ZHX3: variants seen among roughly 807,000 people sequenced by gnomAD.
ZHX3 encodes zinc fingers and homeoboxes protein 3.
ZHX3 carries 20 observed loss-of-function variants against 64.5 expected under a neutral mutation model. The ratio of observed to expected loss-of-function variants is 0.31; its 90% CI spans 0.22 to 0.45. ZHX3 has a LOEUF of 0.45. Ranked by LOEUF, ZHX3 falls within the 20% of genes least tolerant of loss-of-function variation. The pLI, the probability that ZHX3 is intolerant of heterozygous loss-of-function variation, is 1.00. For missense variants in ZHX3, 1,041 were observed against 1,195.8 expected (o/e 0.87, Z 1.91); for synonymous variants, 423 against 461.6 (o/e 0.92, Z 1.07).
At chr20:41,255,946 A>G (rs1457672753) in intron 2 of ZHX3, among the ~76,000 whole-genome samples, 2 of 152,216 alleles carry the variant, frequency 1.3e-5, no homozygotes, top group African/African-American at 2.4e-5. Flanking sequence ...TGTTTTCAAC[A>G]TCACAGCCTG....
At chr20:41,283,138 A>C (rs2043774821) in intron 1 of ZHX3, among the ~76,000 whole-genome samples, 1 of 152,104 alleles carries the variant, frequency 6.6e-6, no homozygotes, top group South Asian at 2.1e-4. Context: ...TGAACTCCTG[A>C]GCTCAGGTGA....
In ZHX3 at chr20:41,204,983, C is replaced by T. The variant is rs114252092; in HGVS notation, c.-67G>A. On this transcript the variant is annotated 5_prime_UTR_variant, in exon 3 of 4. Transcript: ENST00000683867. The surrounding 1 kb of genome is among the most constrained non-coding windows in gnomAD (Gnocchi z 6.6). ...ATAAGGGGCCTAACAATACAAGTTC[C>T]AGCTTCTCGATGAGGGCCAAAGAAA... 1.7e-4 allele frequency: 246 copies of T among 1,453,984 alleles called. No individual in the cohort carries two copies. The African/African-American group carries it at 3.2e-3, about 19-fold the overall frequency. The allele number at this position is 1,453,984 out of a possible 1,614,324, so 90.1% of individuals were successfully genotyped here. A position where few individuals can be genotyped will look rare whatever the true frequency, so the allele number is the denominator to read the frequency against.
intron 1 of ZHX3, among the ~76,000 whole-genome samples, chr20:41,274,241 T>C (rs547579164): frequency 1.3e-5 from 2 of 152,368 alleles, no homozygotes; most frequent in South Asian, 4.1e-4. Context: ...TTAAGTTTCA[T>C]TATCTTCAGT....
At chr20:41,259,768 ACT>A (rs1437433551) in intron 2 of ZHX3, among the ~76,000 whole-genome samples, 1 of 151,994 alleles carries the variant, frequency 6.6e-6, no homozygotes, top group Non-Finnish European at 1.5e-5. Context: ...AACATCAATG[ACT>A]CTGGGAGAAT....
At chr20:41,234,348 G>C (rs756692680) in intron 2 of ZHX3, among the ~76,000 whole-genome samples, 1 of 152,214 alleles carries the variant, frequency 6.6e-6, no homozygotes. Flanking sequence ...GGGTTTGAAA[G>C]GGCAGAACCT....
chr20:41,279,563 T>C (rs1369445183), intron 1 of ZHX3, among the ~76,000 whole-genome samples: 1 of 152,184 alleles, frequency 6.6e-6, no homozygotes, highest in Non-Finnish European at 1.5e-5. Flanking sequence ...TTGTTCATCA[T>C]AAATAATGAT....
chr20:41,256,599 C>G (rs886327748), intron 2 of ZHX3, among the ~76,000 whole-genome samples: 3 of 150,212 alleles, frequency 2.0e-5, no homozygotes, highest in African/African-American at 7.4e-5. Flanking sequence ...GCATAAGGAA[C>G]AAATTTAGAG....
intron 1 of ZHX3, among the ~76,000 whole-genome samples, chr20:41,310,834 G>T (rs2045112919): frequency 8.8e-6 from 1 of 113,094 alleles, no homozygotes; most frequent in African/African-American, 3.4e-5. Context: ...TTTTGAGACA[G>T]AGTCTTGCTC....
In ZHX3 at chr20:41,257,976, T is replaced by A. The variant is rs1721240222; in HGVS notation, c.-151+11014A>T. Among the ~76,000 whole-genome samples the A allele has an allele frequency of 1.4e-5, 2 of 147,202 alleles. 1 individual carries two copies. Among genetic ancestry groups the A allele is most frequent in the South Asian group, 4.3e-4 (2 of 4,696 alleles). On this transcript the variant is annotated intron_variant, in intron 2 of 3. Coordinates refer to ENST00000683867, the MANE Select transcript of ZHX3 (RefSeq NM_001384317.1). ...GCTGGGGTACAGTGGCACAGCTCAC[T>A]GCAACCTCCACCTCCCAGGTTCAAG...
chr20:41,203,570 G>A lies in ZHX3; in HGVS notation c.1347C>T (p.Ser449=), dbSNP rs141578613. Residue 449 remains serine (S), a synonymous_variant, in exon 3 of 4, where the codon TCC becomes TCT. Coordinates refer to ENST00000683867, the MANE Select transcript of ZHX3 (RefSeq NM_001384317.1). This position sits in a 1 kb window ranked among gnomAD's most constrained non-coding sequence, Gnocchi z 7.1. ...GTGCCACACCTGGCTGCTTGGGGACGGATGTCACCGTGAGGGGGAGAGGGG... is the reference window on the plus strand; with the variant it reads ...GTGCCACACCTGGCTGCTTGGGGACAGATGTCACCGTGAGGGGGAGAGGGG... ...TSSPLPLTVT[S]VPKQPGVAPI... 9.2e-5 allele frequency: 148 copies of A among 1,614,076 alleles called. No homozygotes were observed. In the East Asian group the frequency reaches 1.2e-3, roughly 14 times the overall value.
intron 1 of ZHX3, among the ~76,000 whole-genome samples, chr20:41,288,562 C>T (rs967839296): frequency 2.0e-5 from 3 of 152,188 alleles, no homozygotes; most frequent in African/African-American, 7.2e-5. Context: ...AAGGGCAACA[C>T]ACTGGTGGTG....
rs955020647 is a variant in ZHX3 at position 41,203,655 on chromosome 20, G to A, written c.1262C>T (p.Thr421Ile). The A allele has an allele frequency of 1.9e-6, 3 of 1,614,086 alleles. No homozygotes were observed. Among genetic ancestry groups the A allele is most frequent in the African/African-American group, 1.3e-5 (1 of 74,922 alleles). Residue 421 changes from threonine to isoleucine, a missense_variant, in exon 3 of 4, where the codon ACA (threonine) becomes ATA (isoleucine). By Grantham distance (89) the Thr-to-Ile change is moderately conservative. Around this residue, in one of 4 missense-constraint regions of ZHX3, gnomAD observed 649 missense variants for 739.8 expected, o/e 0.88. Transcript: ENST00000683867. This position sits in a 1 kb window ranked among gnomAD's most constrained non-coding sequence, Gnocchi z 7.1. ...PGHVVGQPEG[T>I]GGGLLVTQPL... ...CTGAGTGACCAGAAGTCCCCCTCCT[G>A]TACCCTCTGGCTGCCCCACAACGTG...
At chr20:41,218,099 C>T (rs1052381298) in intron 2 of ZHX3, among the ~76,000 whole-genome samples, 6 of 151,782 alleles carry the variant, frequency 4.0e-5, no homozygotes, top group African/African-American at 1.5e-4. Context: ...GCTATGGTTC[C>T]GTCATTGCAT....
intron 3 of ZHX3, among the ~76,000 whole-genome samples, chr20:41,193,135 G>T (rs1277238772): frequency 6.6e-6 from 1 of 152,156 alleles, no homozygotes; most frequent in Admixed American, 6.5e-5. Flanking sequence ...AATGGAAGAG[G>T]CGAGTACAAA....
chr20:41,255,803 A>C (rs1212618577), intron 2 of ZHX3, among the ~76,000 whole-genome samples: 1 of 152,180 alleles, frequency 6.6e-6, no homozygotes, highest in Non-Finnish European at 1.5e-5. Context: ...AGAGGTGTCC[A>C]TGCAGCAGAG....
In ZHX3 at chr20:41,228,915, A is replaced by G. The variant is rs1310210848; in HGVS notation, c.-150-23849T>C. ...GAAATTGTGGTAAAATACACATAAC[A>G]TAAAATTTACCATCTTAATCATTTT... On this transcript the variant is annotated intron_variant, in intron 2 of 3. Coordinates refer to ENST00000683867, the MANE Select transcript of ZHX3 (RefSeq NM_001384317.1). The surrounding 1 kb of genome is among the most constrained non-coding windows in gnomAD (Gnocchi z 4.6). 6.6e-6 allele frequency among the ~76,000 whole-genome samples: 1 copy of G among 152,218 alleles called. No homozygotes were observed. Among genetic ancestry groups the G allele is most frequent in the African/African-American group, 2.4e-5 (1 of 41,454 alleles).
At chr20:41,286,108 C>A (rs1039301774) in intron 1 of ZHX3, among the ~76,000 whole-genome samples, 2 of 152,120 alleles carry the variant, frequency 1.3e-5, no homozygotes, top group African/African-American at 4.8e-5. Flanking sequence ...ATAGAAAGCA[C>A]GCTTACTCAT....
At chr20:41,215,324 CTT>C (rs973774382) in intron 2 of ZHX3, among the ~76,000 whole-genome samples, 2 of 152,026 alleles carry the variant, frequency 1.3e-5, no homozygotes, top group African/African-American at 4.8e-5. Context: ...AAGTGCATAA[CTT>C]TTTTTAAAAA....
rs960682479 is a variant in ZHX3, at chr20:41,212,837, A to G, written c.-150-7771T>C. 6.6e-6 allele frequency among the ~76,000 whole-genome samples: 1 copy of G among 151,960 alleles called. No individual in the cohort carries two copies. Among genetic ancestry groups the G allele is most frequent in the Non-Finnish European group, 1.5e-5 (1 of 67,984 alleles). On this transcript the variant is annotated intron_variant, in intron 2 of 3. Transcript: ENST00000683867. This position sits in a 1 kb window ranked among gnomAD's most constrained non-coding sequence, Gnocchi z 4.3. ...AAAAACAAAACAAAACAAAAAAAAC[A>G]AAACACCAGCAATTTAATTCCTAAG...
Sources: allele counts gnomAD v4.1 joint callset (sites outside exome capture counted in the v4.1 genomes callset), GRCh38; gene constraint gnomAD v4.1.1; regional missense constraint gnomAD v4.1.1; non-coding constraint Gnocchi (gnomAD v3.1); transcripts MANE v1.5; gene names NCBI Gene and HGNC (gene_info 2026-07-23, HGNC 2026-07-21).